The following KRT12 variants were observed in gnomAD, a reference collection of about 807,000 sequenced individuals.
The protein encoded by KRT12 is keratin 12.
KRT12 carries 43 observed loss-of-function variants against 50.2 expected under a neutral mutation model. That is an observed-to-expected ratio of 0.86 (90% CI 0.67 to 1.11). The LOEUF (loss-of-function observed/expected upper bound fraction) is 1.11, where lower values mean the gene tolerates loss of function less well. KRT12 is among the 50% of genes least tolerant of loss of function. The pLI, the probability that KRT12 is intolerant of heterozygous loss-of-function variation, is 0.00. For missense variants in KRT12, 588 were observed against 625.6 expected (o/e 0.94, Z 0.64); for synonymous variants, 257 against 253.6 (o/e 1.01, Z -0.13).
chr17:40,861,815 C>A (rs898196460), intron 7 of KRT12, 57 bp from the exon 8 acceptor site: 7 of 1,111,280 alleles, frequency 6.3e-6, no homozygotes, highest in Non-Finnish European at 9.7e-6. Context: ...ATTAATCCAA[C>A]ACTGGTTGTT....
At chr17:40,864,649 A>G (rs1906943840) in intron 3 of KRT12, among the ~76,000 whole-genome samples, 157 bp downstream of exon 3, 1 of 152,076 alleles carries the variant, frequency 6.6e-6, no homozygotes, top group Admixed American at 6.6e-5. Flanking sequence ...CATACCACAC[A>G]CATCACACAG....
In KRT12 at chr17:40,863,937, C is replaced by T. The variant is rs898535620; in HGVS notation, c.808-73G>A. 3.0e-6 allele frequency: 3 copies of T among 990,500 alleles called. No homozygotes were observed. Among genetic ancestry groups the T allele is most frequent in the East Asian group, 2.7e-5 (1 of 36,384 alleles). The allele number at this position is 990,500 out of a possible 1,614,324, so 61.4% of individuals were successfully genotyped here. On this transcript the variant is annotated intron_variant, in intron 3 of 7. Coordinates refer to ENST00000251643, the MANE Select transcript of KRT12 (RefSeq NM_000223.4). The surrounding 1 kb of genome is among the most constrained non-coding windows in gnomAD (Gnocchi z 4.2). ...TTCGTGGGCCCTGGATACTTTTGTC[C>T]TCTTGGGCCCCTTCCTACACACACA...
At chr17:40,866,389 T>TA in intron 1 of KRT12, 152 bp from the exon 2 acceptor site, 1 of 737,998 alleles carries the variant, frequency 1.4e-6, no homozygotes, top group Non-Finnish European at 2.3e-6. Flanking sequence ...AATATCTGTA[T>TA]AAAATAATAT....
At chr17:40,862,532 C>A in intron 7 of KRT12, 33 bp downstream of exon 7, 2 of 1,479,800 alleles carry the variant, frequency 1.4e-6, no homozygotes, top group Non-Finnish European at 1.9e-6. Context: ...GTGATTCCGA[C>A]TTATTCTAAG....
rs1270632717 is a variant in KRT12 at position 40,863,842 on chromosome 17, CCCACCCGGAAGCTTT to C, written c.815_829del (p.Gln272_Gly277delinsArg). 1 of 1,607,722 alleles carries C rather than the reference CCCACCCGGAAGCTTT, an allele frequency of 6.2e-7. No individual in the cohort carries two copies. Among genetic ancestry groups the C allele is most frequent in the East Asian group, 2.2e-5 (1 of 44,790 alleles). On this transcript the variant is annotated inframe_deletion, in exon 4 of 8. Coordinates refer to ENST00000251643, the MANE Select transcript of KRT12 (RefSeq NM_000223.4). The surrounding 1 kb of genome is among the most constrained non-coding windows in gnomAD (Gnocchi z 4.2). ...TTCTACGCTGACCTCGCCTGGGCCGCCCACCCGGAAGCTTTGGAGCTCCTGGGGACAGCATGTGAG... is the reference window on the plus strand; with the variant it reads ...TTCTACGCTGACCTCGCCTGGGCCGCGGAGCTCCTGGGGACAGCATGTGAG...
In KRT12 at chr17:40,863,564, T is replaced by C. The variant is rs777172915; in HGVS notation, c.1016A>G (p.Gln339Arg). 3 of 1,614,116 alleles carry C rather than the reference T, an allele frequency of 1.9e-6. No individual in the cohort carries two copies. The Admixed American group carries it at 5.0e-5, about 27-fold the overall frequency. ...KEISTNTEQL[Q>R]SSKSEVTDLR... Reference sequence around the variant, plus strand: ...GTCGGTGACCTCGCTCTTGCTGGACTGAAGCTGCTCGGTGTTGGTGCTAAT... The same window carrying C: ...GTCGGTGACCTCGCTCTTGCTGGACCGAAGCTGCTCGGTGTTGGTGCTAAT... The change falls in exon 5 of 8, where the codon CAG (glutamine) becomes CGG (arginine). Residue 339 changes from glutamine to arginine, a missense_variant. Physicochemically the swap from Gln to Arg is conservative, Grantham distance 43. Coordinates refer to ENST00000251643, the MANE Select transcript of KRT12 (RefSeq NM_000223.4). The surrounding 1 kb of genome is among the most constrained non-coding windows in gnomAD (Gnocchi z 4.2).
In KRT12 at chr17:40,867,145, G is replaced by T; in HGVS notation, c.42C>A (p.Thr14=). 6.2e-7 allele frequency: 1 copy of T among 1,610,566 alleles called. No individual in the cohort carries two copies. The highest frequency in any genetic ancestry group is 8.5e-7 in the Non-Finnish European group (1 of 1,180,018). ...SNNTMSLSVR[T]PGLSRRLSSQ... ...AGGAGAGCCGCCGGGACAGTCCGGG[G>T]GTGCGCACTGAGAGTGACATGGTGT... Residue 14 remains threonine (T), a synonymous_variant, in exon 1 of 8, where the codon ACC becomes ACA. Transcript: ENST00000251643.
Position 40,863,463 on chromosome 17 carries a change from G to A in KRT12, c.1095+22C>T, listed in dbSNP as rs1906882418. On this transcript the variant is annotated intron_variant, in intron 5 of 7. Transcript: ENST00000251643. The surrounding 1 kb of genome is among the most constrained non-coding windows in gnomAD (Gnocchi z 4.2). ...TCTTTGGAAGTCCAAAGGATGCTAC[G>A]TCTGTTTGCGCACGAGCCTACCATG... is the stretch of plus-strand genomic sequence containing the variant. 5.6e-6 allele frequency: 9 copies of A among 1,614,258 alleles called. No individual in the cohort carries two copies. The highest frequency in any genetic ancestry group is 6.8e-6 in the Non-Finnish European group (8 of 1,180,052).
rs1485561095 is a variant in KRT12 at position 40,863,307 on chromosome 17, C to T, written c.1132G>A (p.Gly378Ser). The change falls in exon 6 of 8, where the codon GGC becomes AGC. Residue 378 changes from glycine (G) to serine (S), a missense_variant. Physicochemically the swap from Gly to Ser is moderately conservative, Grantham distance 56. Transcript: ENST00000251643. The surrounding 1 kb of genome is among the most constrained non-coding windows in gnomAD (Gnocchi z 4.2). The stretch of plus-strand genomic sequence containing the variant: ...TGGGACAGCTGCGCGCAGTAATCGC[C>T]CTCGGCTTCGGCCAAGGAGTCCTCC... ...SLEDSLAEAE[G>S]DYCAQLSQVQ... The T allele has an allele frequency of 1.9e-6, 3 of 1,613,794 alleles. No homozygotes were observed. Among genetic ancestry groups the T allele is most frequent in the Non-Finnish European group, 2.5e-6 (3 of 1,179,990 alleles).
rs1309856616 is a variant in KRT12 at position 40,863,078 on chromosome 17, T to C, written c.1316+45A>G. The C allele has an allele frequency of 8.5e-6, 13 of 1,530,606 alleles. No homozygotes were observed. In the African/African-American group the frequency reaches 1.8e-4, roughly 21 times the overall value. 94.8% of individuals were successfully genotyped at this position (1,530,606 alleles called of 1,614,324 possible). A position where few individuals can be genotyped will look rare whatever the true frequency, so the allele number is the denominator to read the frequency against. ...TTCCTTCTATTTCTGCTGCCCACTC[T>C]TGGTCAGCCCCTGAAGGTGTTTACA... On this transcript the variant is annotated intron_variant, in intron 6 of 7. Transcript: ENST00000251643. The surrounding 1 kb of genome is among the most constrained non-coding windows in gnomAD (Gnocchi z 4.2).
Position 40,863,002 on chromosome 17 carries a change from CT to C in KRT12, c.1316+120del. 1.2e-6 allele frequency: 1 copy of C among 862,642 alleles called. No homozygotes were observed. The highest frequency in any genetic ancestry group is 1.4e-5 in the South Asian group (1 of 70,754). 53.4% of individuals were successfully genotyped at this position (862,642 alleles called of 1,614,324 possible). On this transcript the variant is annotated intron_variant, in intron 6 of 7. Coordinates refer to ENST00000251643, the MANE Select transcript of KRT12 (RefSeq NM_000223.4). The surrounding 1 kb of genome is among the most constrained non-coding windows in gnomAD (Gnocchi z 4.2). ...AGCATTTAGTAAATCCCAGGCATAT[CT>C]TTACTAGACTTGTGTTTGTTTGTTT...
intron 1 of KRT12, 109 bp from the exon 2 acceptor site, chr17:40,866,346 T>G: frequency 1.1e-6 from 1 of 897,322 alleles, no homozygotes; most frequent in Non-Finnish European, 1.8e-6. Flanking sequence ...GCTGTTTTAT[T>G]TAGAGTTTAA....
Position 40,866,633 on chromosome 17 carries a change from T to C in KRT12, c.554A>G (p.Asp185Gly). The change falls in exon 1 of 8, where the codon GAC becomes GGC. Residue 185 changes from aspartate to glycine, a missense_variant. Coordinates refer to ENST00000251643, the MANE Select transcript of KRT12 (RefSeq NM_000223.4). Reference protein sequence around the residue: ...DYSKYYPLIEDLRNKIISASI... With the variant: ...DYSKYYPLIEGLRNKIISASI... Reference sequence around the variant, plus strand: ...AAGAGATCTTACCTTATTCCTGAGGTCTTCAATCAGTGGATAATATTTGCT... The same window carrying C: ...AAGAGATCTTACCTTATTCCTGAGGCCTTCAATCAGTGGATAATATTTGCT... 6.2e-7 allele frequency: 1 copy of C among 1,613,848 alleles called. No homozygotes were observed. Among genetic ancestry groups the C allele is most frequent in the Non-Finnish European group, 8.5e-7 (1 of 1,179,850 alleles).
At chr17:40,861,907 T>C (rs1456630495) in intron 7 of KRT12, 149 bp from the exon 8 acceptor site, 1 of 673,486 alleles carries the variant, frequency 1.5e-6, no homozygotes, top group African/African-American at 1.8e-5. Flanking sequence ...TTCTCAAAAA[T>C]GTGTTTTAGC....
chr17:40,862,425 A>G, intron 7 of KRT12, 140 bp downstream of exon 7: 1 of 692,728 alleles, frequency 1.4e-6, no homozygotes. Context: ...GGAATGCATA[A>G]ATGTTTTTCC....
At position 40,863,748 on chromosome 17, in the gene KRT12, G is replaced by A. The variant is rs772748629; in HGVS notation, c.924C>T (p.Ile308=). 2 of 1,613,556 alleles carry A rather than the reference G, an allele frequency of 1.2e-6. No homozygotes were observed. The highest frequency in any genetic ancestry group is 1.7e-5 in the Admixed American group (1 of 60,030). Residue 308 remains isoleucine, a synonymous_variant, in exon 4 of 8, where the codon ATC becomes ATT. Coordinates refer to ENST00000251643, the MANE Select transcript of KRT12 (RefSeq NM_000223.4). This position sits in a 1 kb window ranked among gnomAD's most constrained non-coding sequence, Gnocchi z 4.2. Reference sequence around the variant, plus strand: ...CAGCGTCCTTCCGATTCTGCTCAGCGATGGTTTCATACTGCGCCCGCATAT... The same window carrying A: ...CAGCGTCCTTCCGATTCTGCTCAGCAATGGTTTCATACTGCGCCCGCATAT... ...LNDMRAQYET[I]AEQNRKDAEA...
intron 1 of KRT12, 36 bp from the exon 2 acceptor site, chr17:40,866,273 C>T (rs1907012804): frequency 1.4e-6 from 2 of 1,474,332 alleles, no homozygotes; most frequent in African/African-American, 1.4e-5. Flanking sequence ...AGATTGAAGC[C>T]CTAAAAGACT....
At chr17:40,861,940 G>A (rs1232059528) in intron 7 of KRT12, among the ~76,000 whole-genome samples, 182 bp from the exon 8 acceptor site, 2 of 152,170 alleles carry the variant, frequency 1.3e-5, no homozygotes, top group Admixed American at 1.3e-4. Flanking sequence ...AATGTATTCA[G>A]TGTTGCCTTG....
Position 40,863,123 on chromosome 17 carries a change from C to T in KRT12, c.1316G>A (p.Gly439Asp), listed in dbSNP as rs1305982561. The change falls in exon 6 of 8, where the codon GGT becomes GAT. Residue 439 changes from glycine to aspartate, a missense_variant and splice_region_variant. Transcript: ENST00000251643. This position sits in a 1 kb window ranked among gnomAD's most constrained non-coding sequence, Gnocchi z 4.2. ...YRRLLDGEAQ[G>D]DGLEESLFVT... ...TTTACAGCCTCCGTTGTCTGCTCACCCTTGGGCCTCCCCGTCCAGCAGGCG... is the reference window on the plus strand; with the variant it reads ...TTTACAGCCTCCGTTGTCTGCTCACTCTTGGGCCTCCCCGTCCAGCAGGCG... 38 of 1,613,910 alleles carry T rather than the reference C, an allele frequency of 2.4e-5. No individual in the cohort carries two copies. Among genetic ancestry groups the T allele is most frequent in the Non-Finnish European group, 3.1e-5 (36 of 1,179,904 alleles).
Sources: gnomAD v4.1 joint callset for allele counts (sites outside exome capture counted in the v4.1 genomes callset) on GRCh38, gnomAD v4.1.1 for gene constraint, Gnocchi (gnomAD v3.1) non-coding constraint, MANE v1.5 for transcripts, NCBI Gene and HGNC (gene_info 2026-07-23, HGNC 2026-07-21) for gene names.